COL6A5: variants seen among roughly 807,000 people sequenced by gnomAD.
COL6A5 encodes the protein collagen alpha-5(VI) chain.
A neutral mutation model predicts 65.6 loss-of-function variants in COL6A5; 48 were observed. That is an observed-to-expected ratio of 0.73 (90% CI 0.58 to 0.93). The LOEUF is 0.93. Among genes scored for constraint, COL6A5 ranks in the 40% least tolerant of loss-of-function variants. The pLI is 0.00. For missense variants in COL6A5, 914 were observed against 928.3 expected, an observed-to-expected ratio of 0.98 and a Z score of 0.20; for synonymous variants, 291 against 322.8, an observed-to-expected ratio of 0.90 and a Z score of 1.05.
chr3:130,417,420 T>C (rs1413317063), intron 24 of COL6A5, among the ~76,000 whole-genome samples: 1 of 152,116 alleles, frequency 6.6e-6, no homozygotes, highest in African/African-American at 2.4e-5. Flanking sequence ...TTCCTTCCAT[T>C]GAGCAAAGAG....
At chr3:130,458,824 A>T (rs575489115) in intron 5 of COL6A5, among the ~76,000 whole-genome samples, 10 of 152,286 alleles carry the variant, frequency 6.6e-5, no homozygotes, top group African/African-American at 2.4e-4. Context: ...CTTTTTGAAC[A>T]TAACATCTGC....
chr3:130,469,062 G>A, exon 6 of COL6A5: 1 of 1,612,942 alleles, frequency 6.2e-7, no homozygotes, highest in Non-Finnish European at 8.5e-7. Context: ...ACTGAAGAAT[G>A]CCCTGTCTAC....
Position 130,376,620 on chromosome 3 carries a change from G to A in COL6A5, c.451G>A (p.Glu151Lys), listed in dbSNP as rs765935042. 9.9e-6 allele frequency: 16 copies of A among 1,611,032 alleles called. No homozygotes were observed. The Admixed American group carries it at 2.7e-4, about 27-fold the overall frequency. ...TTCGGCTGAGTCTGAGGATGAAGTG[G>A]AAGAGGCTTCGAAAGCCCTGCAGAA... The change falls in exon 3 of 42, where the codon GAA (glutamate) becomes AAA (lysine). Residue 151 changes from glutamate (E) to lysine (K), a missense_variant and NMD_transcript_variant. Transcript: ENST00000312481.
At chr3:130,438,586 C>T (rs939183495) in intron 1 of COL6A5, among the ~76,000 whole-genome samples, 1 of 152,146 alleles carries the variant, frequency 6.6e-6, no homozygotes, top group African/African-American at 2.4e-5. Context: ...AGTTTCTAAA[C>T]ATATGGCTGG....
chr3:130,422,436 G>A (rs1304552801), intron 27 of COL6A5, among the ~76,000 whole-genome samples: 1 of 151,840 alleles, frequency 6.6e-6, no homozygotes, highest in Non-Finnish European at 1.5e-5. Context: ...GTTTTTCTGG[G>A]TTTTCAAGCA....
chr3:130,367,349 T>G (rs907413150), intron 1 of COL6A5, among the ~76,000 whole-genome samples: 2 of 152,182 alleles, frequency 1.3e-5, no homozygotes, highest in Non-Finnish European at 2.9e-5. Context: ...TCTCTCCTCT[T>G]CCCCTTTGTG....
chr3:130,406,070 C>T lies in COL6A5; in HGVS notation c.4380+51C>T, dbSNP rs375176086. The T allele has an allele frequency of 4.6e-5, 71 of 1,548,686 alleles. No individual in the cohort carries two copies. The South Asian group carries it at 7.9e-4, about 17-fold the overall frequency. On this transcript the variant is annotated intron_variant and NMD_transcript_variant, in intron 15 of 41. Transcript: ENST00000312481. ...TTTGATTTCCAAATGGGATTAGTTT[C>T]CGAATAAGCGTGTGGCAGAGACCTG...
chr3:130,356,864 G>C (rs1934942484), intron 1 of COL6A5, among the ~76,000 whole-genome samples: 2 of 152,090 alleles, frequency 1.3e-5, no homozygotes, highest in South Asian at 4.1e-4. Flanking sequence ...AGGAAAATGC[G>C]TTGCCTCAAA....
At chr3:130,401,685 A>G in intron 11 of COL6A5, 77 bp from the exon 12 acceptor site, 2 of 1,086,668 alleles carry the variant, frequency 1.8e-6, no homozygotes, top group Non-Finnish European at 2.7e-6. Flanking sequence ...GTGGATTATG[A>G]TTTGTATGAG....
chr3:130,477,920 C>A (rs759246539), intron 7 of COL6A5, among the ~76,000 whole-genome samples: 6 of 152,024 alleles, frequency 3.9e-5, no homozygotes, highest in Non-Finnish European at 5.9e-5. Context: ...CAGCTATAAT[C>A]AAACCAATTT....
chr3:130,474,932 C>T (rs1577545732), intron 7 of COL6A5, among the ~76,000 whole-genome samples: 1 of 139,456 alleles, frequency 7.2e-6, no homozygotes, highest in South Asian at 2.3e-4. Flanking sequence ...GCTTGAGCCC[C>T]AAAGGTCAAG....
chr3:130,375,813 G>A (rs1288002622), intron 2 of COL6A5, among the ~76,000 whole-genome samples: 1 of 152,010 alleles, frequency 6.6e-6, no homozygotes, highest in African/African-American at 2.4e-5. Context: ...GACTCTCACT[G>A]TCACAAGAAC....
chr3:130,407,353 G>A (rs1391055), intron 17 of COL6A5, among the ~76,000 whole-genome samples: 11,119 of 152,266 alleles, frequency 0.073, 514 homozygotes, highest in Middle Eastern at 0.11. Flanking sequence ...GTTTTTAACC[G>A]TAAGGCAATG....
At chr3:130,446,815 T>G (rs2107708792) in intron 4 of COL6A5, among the ~76,000 whole-genome samples, 1 of 152,118 alleles carries the variant, frequency 6.6e-6, no homozygotes, top group South Asian at 2.1e-4. Flanking sequence ...GGTTTGGGAG[T>G]TTTTCCATAA....
chr3:130,460,050 A>G (rs1371064371), intron 5 of COL6A5, among the ~76,000 whole-genome samples: 1 of 152,016 alleles, frequency 6.6e-6, no homozygotes, highest in Non-Finnish European at 1.5e-5. Context: ...TTTTGCTGTC[A>G]TGTATCAAAC....
chr3:130,419,347 T>G (rs1322793209), intron 25 of COL6A5, among the ~76,000 whole-genome samples: 1 of 152,176 alleles, frequency 6.6e-6, no homozygotes, highest in Non-Finnish European at 1.5e-5. Context: ...TCTGTCCTAA[T>G]GGCTTTGGCT....
intron 25 of COL6A5, 147 bp downstream of exon 25, chr3:130,419,078 C>A (rs144901889): frequency 8.9e-6 from 6 of 674,636 alleles, no homozygotes; most frequent in South Asian, 3.5e-5. Flanking sequence ...TCTCCCACCC[C>A]CTAAAGCTCT....
chr3:130,396,138 A>T (rs1936593136), intron 8 of COL6A5, among the ~76,000 whole-genome samples: 2 of 152,236 alleles, frequency 1.3e-5, no homozygotes, highest in Non-Finnish European at 2.9e-5. Context: ...GCTCCAGCTG[A>T]GAGTGGCCAC....
intron 6 of COL6A5, 42 bp downstream of exon 6, chr3:130,389,176 TG>T: frequency 3.1e-6 from 4 of 1,280,232 alleles, no homozygotes; most frequent in Non-Finnish European, 4.1e-6. Flanking sequence ...GGATGTGAGC[TG>T]TTGACTTTAT....
Sources: gnomAD v4.1 joint callset for allele counts (sites outside exome capture counted in the v4.1 genomes callset) on GRCh38, gnomAD v4.1.1 for gene constraint, MANE v1.5 for transcripts, NCBI Gene and HGNC (gene_info 2026-07-23, HGNC 2026-07-21) for gene names.